The following TIMM23 variants were observed in gnomAD, a reference collection of about 807,000 sequenced individuals.
TIMM23 encodes mitochondrial import inner membrane translocase subunit Tim23.
A neutral mutation model predicts 30.7 loss-of-function variants in TIMM23; 19 were observed. The observed-to-expected ratio is 0.62, with a 90% CI of 0.43 to 0.91. The LOEUF is 0.91. Among genes scored for constraint, TIMM23 ranks in the 40% least tolerant of loss-of-function variants. The pLI, the probability that TIMM23 is intolerant of heterozygous loss-of-function variation, is 0.00. For synonymous variants in TIMM23, 78 were observed against 98.5 expected, an observed-to-expected ratio of 0.79 and a Z score of 1.23; for missense variants, 202 against 269.2, an observed-to-expected ratio of 0.75 and a Z score of 1.75.
chr10:45,980,846 A>T (rs1223648602), intron 2 of TIMM23, among the ~76,000 whole-genome samples: 1 of 151,308 alleles, frequency 6.6e-6, no homozygotes, highest in Non-Finnish European at 1.5e-5. Context: ...TATATTTTTC[A>T]GTTGATACTA....
rs781906836 is a variant in TIMM23, at chr10:46,003,258, C to T, written c.570C>T (p.Leu190=). ...GGLTGLTLTS[L]YALYNNWEHM... ...TGACAGGACTAACACTTACCAGCCT[C>T]TATGCACTATATAATAACTGGGAGC... is the stretch of plus-strand genomic sequence containing the variant. The change falls in exon 7 of 7, where the codon CTC becomes CTT. Residue 190 remains leucine, a synonymous_variant. Coordinates refer to ENST00000580018, the MANE Select transcript of TIMM23 (RefSeq NM_006327.4). 4 of 1,614,186 alleles carry T rather than the reference C, an allele frequency of 2.5e-6. No individual in the cohort carries two copies. In the South Asian group the frequency reaches 3.3e-5, roughly 13 times the overall value.
intron 6 of TIMM23, chr10:45,992,423 T>A: frequency 6.6e-6 from 3 of 456,028 alleles, no homozygotes. Context: ...TTCTAAACCC[T>A]GCATTAACAT....
At chr10:45,975,360 T>C (rs1837636267) in intron 1 of TIMM23, 94 bp from the exon 2 acceptor site, 1 of 1,494,066 alleles carries the variant, frequency 6.7e-7, no homozygotes, top group Admixed American at 1.9e-5. Flanking sequence ...CCTATAAAAA[T>C]TGCAAACACA....
chr10:46,001,495 G>A (rs1554917682), intron 6 of TIMM23, among the ~76,000 whole-genome samples: 2 of 152,104 alleles, frequency 1.3e-5, no homozygotes, highest in Admixed American at 6.5e-5. Flanking sequence ...TCCTGGAGGG[G>A]GAGTGGCCCT....
At chr10:45,988,262 C>A (rs2132264423) in intron 5 of TIMM23, among the ~76,000 whole-genome samples, 1 of 152,338 alleles carries the variant, frequency 6.6e-6, no homozygotes, top group East Asian at 1.9e-4. Flanking sequence ...TGCCCAGATT[C>A]TCCCTTGGCC....
chr10:45,983,646 T>C (rs1452385390), intron 4 of TIMM23, among the ~76,000 whole-genome samples: 153 of 152,344 alleles, frequency 1.0e-3, no homozygotes, highest in African/African-American at 3.5e-3. Context: ...TGTTTTGTTT[T>C]AGGACACTTT....
At chr10:45,987,854 T>C (rs1169399832) in intron 5 of TIMM23, among the ~76,000 whole-genome samples, 2 of 152,048 alleles carry the variant, frequency 1.3e-5, no homozygotes, top group Non-Finnish European at 2.9e-5. Flanking sequence ...ACTCCTGGGC[T>C]CATGTGATCT....
At chr10:45,991,039 G>C (rs1838149558) in intron 6 of TIMM23, among the ~76,000 whole-genome samples, 1 of 152,164 alleles carries the variant, frequency 6.6e-6, no homozygotes, top group African/African-American at 2.4e-5. Flanking sequence ...ACTCTAGTCT[G>C]AGTCCAAAGC....
intron 5 of TIMM23, among the ~76,000 whole-genome samples, chr10:45,988,478 A>AT (rs1248031850): frequency 6.6e-6 from 1 of 152,126 alleles, no homozygotes; most frequent in Middle Eastern, 3.2e-3. Context: ...AGAGAGAGAG[A>AT]TTCTGTTTCT....
intron 6 of TIMM23, among the ~76,000 whole-genome samples, chr10:46,001,940 C>G (rs1490354154): frequency 1.3e-5 from 2 of 152,054 alleles, no homozygotes; most frequent in Admixed American, 1.3e-4. Context: ...TTTTAAGTAA[C>G]CGATTGAAAT....
At chr10:46,002,810 ATTTT>A (rs386371331) in intron 6 of TIMM23, among the ~76,000 whole-genome samples, 491 of 95,070 alleles carry the variant, frequency 5.2e-3, no homozygotes, top group African/African-American at 0.02. Context: ...ATTTCATAGT[ATTTT>A]TTTTTTTTTT....
rs999369415 is a variant in TIMM23, at chr10:46,003,120, C to T, written c.515-83C>T. On this transcript the variant is annotated intron_variant, in intron 6 of 6. Coordinates refer to ENST00000580018, the MANE Select transcript of TIMM23 (RefSeq NM_006327.4). ...GAGCCACCGTGCCCAGCCCATTTCACAGTACTTTTTATTTAACCCTATCGT... is the reference window on the plus strand; with the variant it reads ...GAGCCACCGTGCCCAGCCCATTTCATAGTACTTTTTATTTAACCCTATCGT... 4 of 1,145,926 alleles carry T rather than the reference C, an allele frequency of 3.5e-6. No homozygotes were observed. In the Admixed American group the frequency reaches 7.4e-5, roughly 21 times the overall value. 71.0% of individuals were successfully genotyped at this position (1,145,926 alleles called of 1,614,324 possible). A position where few individuals can be genotyped will look rare whatever the true frequency, so the allele number is the denominator to read the frequency against.
intron 1 of TIMM23, among the ~76,000 whole-genome samples, chr10:45,975,184 G>C (rs1180210683): frequency 6.6e-6 from 1 of 152,210 alleles, no homozygotes; most frequent in Non-Finnish European, 1.5e-5. Context: ...TACACTTCCT[G>C]TAAGTTCAAA....
chr10:45,990,069 G>C (rs1489758991), intron 6 of TIMM23, among the ~76,000 whole-genome samples: 1 of 149,128 alleles, frequency 6.7e-6, no homozygotes, highest in Non-Finnish European at 1.5e-5. Flanking sequence ...GTGCAACAGT[G>C]TTCTATACGT....
rs1554915925 is a variant in TIMM23, at chr10:45,992,243, G to A, written c.514+3396G>A. On this transcript the variant is annotated intron_variant, in intron 6 of 6. Coordinates refer to ENST00000580018, the MANE Select transcript of TIMM23 (RefSeq NM_006327.4). ...CCTCCTGAGTTGCTGGATTACAGGCGTGAGCCACTGTGCCCAGCTGCCTGA... is the reference window on the plus strand; with the variant it reads ...CCTCCTGAGTTGCTGGATTACAGGCATGAGCCACTGTGCCCAGCTGCCTGA... 8.7e-3 allele frequency: 3,496 copies of A among 402,734 alleles called. 46 individuals carry two copies. Among genetic ancestry groups the A allele is most frequent in the Middle Eastern group, 0.038 (44 of 1,154 alleles). The allele number at this position is 402,734 out of a possible 1,614,324, so 24.9% of individuals were successfully genotyped here.
At chr10:45,998,103 G>T (rs893671926) in intron 6 of TIMM23, among the ~76,000 whole-genome samples, 3 of 152,120 alleles carry the variant, frequency 2.0e-5, no homozygotes, top group Admixed American at 2.0e-4. Flanking sequence ...GGCTAAGAAT[G>T]TGTTTTACGT....
intron 6 of TIMM23, among the ~76,000 whole-genome samples, chr10:45,994,237 G>T (rs1247134365): frequency 6.6e-6 from 1 of 152,000 alleles, no homozygotes; most frequent in East Asian, 1.9e-4. Flanking sequence ...TACTTGGGAG[G>T]CTGAGAGAGG....
At chr10:45,985,268 T>C in intron 4 of TIMM23, 115 bp from the exon 5 acceptor site, 17 of 1,011,846 alleles carry the variant, frequency 1.7e-5, no homozygotes, top group Non-Finnish European at 2.6e-5. Context: ...TATTTTAGAA[T>C]TTAAAAAACT....
Position 45,982,851 on chromosome 10 carries a change from G to A in TIMM23, c.265G>A (p.Ala89Thr). 1 of 1,613,890 alleles carries A rather than the reference G, an allele frequency of 6.2e-7. No individual in the cohort carries two copies. Among genetic ancestry groups the A allele is most frequent in the Non-Finnish European group, 8.5e-7 (1 of 1,179,856 alleles). The change falls in exon 4 of 7, where the codon GCG (alanine) becomes ACG (threonine). Residue 89 changes from alanine (A) to threonine (T), a missense_variant. Transcript: ENST00000580018. ...TIGGCCMTGA[A>T]FGAMNGLRLG... ...GAATTGTTATGATTTACCAGGGGCT[G>A]CGTTTGGTGCAATGAATGGTCTTCG...
Sources: gnomAD v4.1 joint callset for allele counts (sites outside exome capture counted in the v4.1 genomes callset) on GRCh38, gnomAD v4.1.1 for gene constraint, MANE v1.5 for transcripts, NCBI Gene and HGNC (gene_info 2026-07-23, HGNC 2026-07-21) for gene names.